Variants in MLF1 observed in about 807,000 individuals in gnomAD.
The protein encoded by MLF1 is myeloid leukemia factor 1.
Under a neutral mutation model 38.3 loss-of-function variants are expected in MLF1, and 37 were observed. That is an observed-to-expected ratio of 0.96 (90% CI 0.74 to 1.27). The LOEUF (loss-of-function observed/expected upper bound fraction) is 1.27, where lower values mean the gene tolerates loss of function less well. MLF1 is among the 50% of genes most tolerant of loss of function. The pLI is 0.00. For missense variants in MLF1, 331 were observed against 349.2 expected, an observed-to-expected ratio of 0.95 and a Z score of 0.42; for synonymous variants, 95 against 106.5, an observed-to-expected ratio of 0.89 and a Z score of 0.66.
intron 1 of MLF1, among the ~76,000 whole-genome samples, chr3:158,589,246 C>G (rs886974267): frequency 6.6e-6 from 1 of 152,008 alleles, no homozygotes; most frequent in African/African-American, 2.4e-5. Context: ...GAGTCTCACC[C>G]TATTGCCTAG....
At chr3:158,577,675 A>G (rs978476581) in intron 1 of MLF1, among the ~76,000 whole-genome samples, 7 of 152,182 alleles carry the variant, frequency 4.6e-5, no homozygotes, top group African/African-American at 1.7e-4. Context: ...AAGGTATACT[A>G]TTCATTTGGG....
At position 158,602,944 on chromosome 3, in the gene MLF1, A is replaced by G; in HGVS notation, c.746+5A>G. On this transcript the variant is annotated splice_donor_5th_base_variant and intron_variant, in intron 7 of 7. Coordinates refer to ENST00000466246, the MANE Select transcript of MLF1 (RefSeq NM_001369783.1). ...CTCCCGAGAACTTAAAAGAAGGTAA[A>G]AGTTGTTTCTAAAATAGTTTGGTTT... is the stretch of plus-strand genomic sequence containing the variant. The G allele has an allele frequency of 1.2e-6, 2 of 1,606,558 alleles. No homozygotes were observed. The highest frequency in any genetic ancestry group is 1.7e-6 in the Non-Finnish European group (2 of 1,177,484).
At chr3:158,584,784 G>T (rs1362522740) in intron 1 of MLF1, among the ~76,000 whole-genome samples, 4 of 151,402 alleles carry the variant, frequency 2.6e-5, no homozygotes, top group Non-Finnish European at 5.9e-5. Context: ...GTACCACATT[G>T]CAAGAAGAAC....
chr3:158,597,203 A>T (rs1439692559), intron 4 of MLF1, among the ~76,000 whole-genome samples: 1 of 152,104 alleles, frequency 6.6e-6, no homozygotes, highest in Non-Finnish European at 1.5e-5. Context: ...CAACCCACTA[A>T]ATTGAGTTCA....
chr3:158,595,693 C>T (rs1718783167), intron 3 of MLF1, among the ~76,000 whole-genome samples: 1 of 152,078 alleles, frequency 6.6e-6, no homozygotes, highest in African/African-American at 2.4e-5. Context: ...TTGTTCCCTA[C>T]AATATTAAGT....
intron 1 of MLF1, among the ~76,000 whole-genome samples, chr3:158,590,127 T>C (rs892660423): frequency 1.3e-5 from 2 of 152,164 alleles, no homozygotes; most frequent in Admixed American, 6.5e-5. Context: ...TGGGAAAAAA[T>C]TTAAAACCTG....
intron 6 of MLF1, among the ~76,000 whole-genome samples, chr3:158,600,766 AG>A (rs1406514796): frequency 9.7e-4 from 2 of 2,052 alleles, no homozygotes; most frequent in African/African-American, 0.021. Flanking sequence ...ACTGTTCAGT[AG>A]TACTTAGGCT....
chr3:158,580,290 TAAAA>T (rs138113242), intron 1 of MLF1, among the ~76,000 whole-genome samples: 1 of 140,834 alleles, frequency 7.1e-6, no homozygotes, highest in African/African-American at 2.6e-5. Context: ...CCCCGGAACT[TAAAA>T]AAAAAAAAGA....
chr3:158,597,658 C>T (rs1196729679), intron 4 of MLF1, among the ~76,000 whole-genome samples: 1 of 151,990 alleles, frequency 6.6e-6, no homozygotes, highest in African/African-American at 2.4e-5. Flanking sequence ...GGAGGAGGTA[C>T]GAAACTTGAT....
intron 1 of MLF1, among the ~76,000 whole-genome samples, chr3:158,590,544 A>T (rs1250492030): frequency 1.3e-5 from 2 of 152,262 alleles, no homozygotes; most frequent in African/African-American, 4.8e-5. Flanking sequence ...TGATATATGT[A>T]TGAACTTAGC....
intron 1 of MLF1, among the ~76,000 whole-genome samples, chr3:158,572,902 C>G (rs923542247): frequency 6.6e-6 from 1 of 151,582 alleles, no homozygotes; most frequent in African/African-American, 2.4e-5. Context: ...AAGGCCCTTC[C>G]TCACACTCCC....
chr3:158,578,227 C>G (rs952142910), intron 1 of MLF1, among the ~76,000 whole-genome samples: 9 of 152,058 alleles, frequency 5.9e-5, no homozygotes, highest in African/African-American at 2.2e-4. Flanking sequence ...TTGCCACTAC[C>G]ATGTATAATG....
chr3:158,573,501 C>T (rs1237301957), intron 1 of MLF1: 2 of 151,222 alleles, frequency 1.3e-5, no homozygotes, highest in African/African-American at 4.9e-5. Context: ...AGAAAGAAGG[C>T]ATCCAGAAAT....
At position 158,592,522 on chromosome 3, in the gene MLF1, G is replaced by C; in HGVS notation, c.136G>C (p.Asp46His). 6.2e-7 allele frequency: 1 copy of C among 1,612,552 alleles called. No homozygotes were observed. Among genetic ancestry groups the C allele is most frequent in the Admixed American group, 1.7e-5 (1 of 59,964 alleles). ...TGGAAGAGACTTGCTCAGTATCTCT[G>C]ATGGTAGAGGGAGAGCTCATAATCG... Reference protein sequence around the residue: ...PFGRDLLSISDGRGRAHNRRG... With the variant: ...PFGRDLLSISHGRGRAHNRRG... Residue 46 changes from aspartate (D) to histidine (H), a missense_variant, in exon 2 of 8, where the codon GAT (aspartate) becomes CAT (histidine). Transcript: ENST00000466246.
At chr3:158,591,230 G>A in intron 1 of MLF1, 2 of 430,860 alleles carry the variant, frequency 4.6e-6, no homozygotes, top group Non-Finnish European at 4.5e-6. Context: ...TGCAATCTTG[G>A]CTCACTGCAA....
chr3:158,595,755 CTG>C (rs2108629957), intron 3 of MLF1, among the ~76,000 whole-genome samples: 1 of 152,164 alleles, frequency 6.6e-6, no homozygotes, highest in South Asian at 2.1e-4. Context: ...ATTATTATAT[CTG>C]TAAAAATCCA....
At chr3:158,597,434 A>G (rs1406524997) in intron 4 of MLF1, among the ~76,000 whole-genome samples, 1 of 152,144 alleles carries the variant, frequency 6.6e-6, no homozygotes, top group Non-Finnish European at 1.5e-5. Flanking sequence ...CAGAAATTTT[A>G]GGAATAATGT....
At chr3:158,588,987 T>C (rs1056323713) in intron 1 of MLF1, 3 of 430,018 alleles carry the variant, frequency 7.0e-6, no homozygotes, top group Non-Finnish European at 1.4e-5. Flanking sequence ...AATAGGAGTT[T>C]CCCCTCCCCT....
chr3:158,593,317 G>A (rs1718428995), intron 2 of MLF1, 65 bp from the exon 3 acceptor site: 1 of 1,231,946 alleles, frequency 8.1e-7, no homozygotes, highest in Non-Finnish European at 1.1e-6. Context: ...ACATTTAATT[G>A]GTAAATTGAG....
Sources: gnomAD v4.1 joint callset for allele counts (sites outside exome capture counted in the v4.1 genomes callset) on GRCh38, gnomAD v4.1.1 for gene constraint, MANE v1.5 for transcripts, NCBI Gene and HGNC (gene_info 2026-07-23, HGNC 2026-07-21) for gene names.